ANAPC10: variants seen among roughly 807,000 people sequenced by gnomAD.
ANAPC10 encodes the protein anaphase-promoting complex subunit 10.
Under a neutral mutation model 22.0 loss-of-function variants are expected in ANAPC10, and 12 were observed. The ratio of observed to expected loss-of-function variants is 0.55; its 90% CI spans 0.35 to 0.88. The LOEUF is 0.88. ANAPC10 is among the 40% of genes least tolerant of loss of function. The pLI is 0.01. For missense variants in ANAPC10, 188 were observed against 220.9 expected, an observed-to-expected ratio of 0.85 and a Z score of 0.94; for synonymous variants, 65 against 69.5, an observed-to-expected ratio of 0.94 and a Z score of 0.32.
Position 145,043,769 on chromosome 4 carries a change from A to AT in ANAPC10, c.327+20802dup, listed in dbSNP as rs1403146956. 3.3e-5 allele frequency among the ~76,000 whole-genome samples: 5 copies of AT among 152,264 alleles called. No individual in the cohort carries two copies. In the East Asian group the frequency reaches 9.6e-4, roughly 29 times the overall value. ...CCTACAGTATTACAAATGAAGGCTG[A>AT]TATCTGCTGCATAATTTCCCATAGA... On this transcript the variant is annotated intron_variant, in intron 4 of 4. Coordinates refer to ENST00000507656, the MANE Select transcript of ANAPC10 (RefSeq NM_001256706.2).
chr4:145,001,411 T>C (rs180849260), intron 4 of ANAPC10, among the ~76,000 whole-genome samples: 1 of 151,722 alleles, frequency 6.6e-6, no homozygotes, highest in Admixed American at 6.6e-5. Flanking sequence ...TACTTAAGAG[T>C]AGTCAAAAAT....
chr4:145,028,703 T>C (rs1234053507), intron 4 of ANAPC10, among the ~76,000 whole-genome samples: 2 of 152,030 alleles, frequency 1.3e-5, no homozygotes, highest in Non-Finnish European at 2.9e-5. Context: ...GTTTAGAGAG[T>C]TATGCAAAAT....
chr4:145,024,189 C>T (rs1182137217), intron 4 of ANAPC10, among the ~76,000 whole-genome samples: 1 of 152,208 alleles, frequency 6.6e-6, no homozygotes, highest in Admixed American at 6.5e-5. Context: ...CTTGCTATTT[C>T]CAATGCATCT....
At chr4:144,998,283 T>C (rs1731939664) in intron 4 of ANAPC10, among the ~76,000 whole-genome samples, 1 of 152,196 alleles carries the variant, frequency 6.6e-6, no homozygotes, top group Non-Finnish European at 1.5e-5. Flanking sequence ...TATACATACT[T>C]ATCAGCACCA....
At chr4:145,046,816 T>A (rs1478152202) in intron 4 of ANAPC10, among the ~76,000 whole-genome samples, 1 of 152,104 alleles carries the variant, frequency 6.6e-6, no homozygotes, top group African/African-American at 2.4e-5. Flanking sequence ...CATGCTTAGA[T>A]CTGATAGTAA....
chr4:144,999,580 AT>A (rs1348516715), intron 4 of ANAPC10, among the ~76,000 whole-genome samples: 1 of 152,254 alleles, frequency 6.6e-6, no homozygotes, highest in East Asian at 1.9e-4. Flanking sequence ...AGAACATTCC[AT>A]GCTCATGGAT....
intron 4 of ANAPC10, among the ~76,000 whole-genome samples, chr4:145,014,577 A>G (rs1734825443): frequency 6.6e-6 from 1 of 152,028 alleles, no homozygotes; most frequent in Non-Finnish European, 1.5e-5. Context: ...GATCCTCCCT[A>G]TACTACCACA....
rs1049608792 is a variant in ANAPC10, at chr4:145,087,746, T to C, written c.116-5996A>G. On this transcript the variant is annotated intron_variant, in intron 2 of 4. Coordinates refer to ENST00000507656, the MANE Select transcript of ANAPC10 (RefSeq NM_001256706.2). ...AATAGATTATAATATGAAGTATTAG[T>C]ACAACAATAAAGAGATGAGGCCAGG... is the stretch of plus-strand genomic sequence containing the variant. Among the ~76,000 whole-genome samples, 8 of 152,092 alleles carry C rather than the reference T, an allele frequency of 5.3e-5. No individual in the cohort carries two copies. In the South Asian group the frequency reaches 1.5e-3, roughly 28 times the overall value.
Position 145,042,731 on chromosome 4 carries a change from TAAA to T in ANAPC10, c.327+21838_327+21840del, listed in dbSNP as rs1378584791. On this transcript the variant is annotated intron_variant, in intron 4 of 4. Coordinates refer to ENST00000507656, the MANE Select transcript of ANAPC10 (RefSeq NM_001256706.2). The stretch of plus-strand genomic sequence containing the variant: ...TCTTTATTCCAAGAGGAACTTTCAG[TAAA>T]AAAAAAATGATGTGTGAACAGCAGA... 2.7e-5 allele frequency among the ~76,000 whole-genome samples: 4 copies of T among 147,820 alleles called. No homozygotes were observed. The South Asian group carries it at 8.5e-4, about 31-fold the overall frequency.
chr4:145,021,867 G>C (rs1007474682), intron 4 of ANAPC10, among the ~76,000 whole-genome samples: 1 of 152,092 alleles, frequency 6.6e-6, no homozygotes, highest in Admixed American at 6.6e-5. Context: ...GACATGAATA[G>C]ACAATTATCA....
chr4:145,016,630 C>T (rs1735199273), intron 4 of ANAPC10, among the ~76,000 whole-genome samples: 1 of 152,200 alleles, frequency 6.6e-6, no homozygotes, highest in South Asian at 2.1e-4. Flanking sequence ...CTTTAAAGTT[C>T]ATATGGAACC....
intron 4 of ANAPC10, among the ~76,000 whole-genome samples, chr4:145,032,837 C>T (rs148701136): frequency 5.9e-5 from 9 of 152,214 alleles, no homozygotes; most frequent in South Asian, 2.1e-4. Flanking sequence ...ATCATGGAAA[C>T]GGCAGAGGTT....
At chr4:145,016,607 T>C (rs1326887400) in intron 4 of ANAPC10, among the ~76,000 whole-genome samples, 12 of 152,288 alleles carry the variant, frequency 7.9e-5, no homozygotes, top group East Asian at 3.9e-4. Context: ...CTTCACAGAA[T>C]TGGAAAAAAC....
At chr4:145,069,201 G>T (rs1744133578) in intron 3 of ANAPC10, among the ~76,000 whole-genome samples, 1 of 152,124 alleles carries the variant, frequency 6.6e-6, no homozygotes, top group South Asian at 2.1e-4. Context: ...CAGGCCTCTA[G>T]GTCCTGAGAG....
intron 4 of ANAPC10, among the ~76,000 whole-genome samples, chr4:145,016,325 A>T (rs2126956329): frequency 6.6e-6 from 1 of 152,288 alleles, no homozygotes; most frequent in African/African-American, 2.4e-5. Flanking sequence ...ATACACCAAT[A>T]ACAAACAAAC....
chr4:145,084,299 A>C (rs1746541437), intron 2 of ANAPC10, among the ~76,000 whole-genome samples: 1 of 152,230 alleles, frequency 6.6e-6, no homozygotes, highest in Non-Finnish European at 1.5e-5. Flanking sequence ...CTAGTTAGCT[A>C]GATAAAGAGG....
Position 145,071,840 on chromosome 4 carries a change from T to C in ANAPC10, c.207-7148A>G, listed in dbSNP as rs1180653922. On this transcript the variant is annotated intron_variant, in intron 3 of 4. Coordinates refer to ENST00000507656, the MANE Select transcript of ANAPC10 (RefSeq NM_001256706.2). ...CTGATTCTCTCAACCCACAAAAGCA[T>C]CCATAAGATAATAGTCAGCTTTAAA... Among the ~76,000 whole-genome samples the C allele has an allele frequency of 2.6e-5, 4 of 152,160 alleles. No individual in the cohort carries two copies. In the South Asian group the frequency reaches 8.3e-4, roughly 32 times the overall value.
At chr4:145,068,708 G>A (rs1333999905) in intron 3 of ANAPC10, among the ~76,000 whole-genome samples, 1 of 152,110 alleles carries the variant, frequency 6.6e-6, no homozygotes, top group African/African-American at 2.4e-5. Context: ...CCAAGAGATC[G>A]AGACCATCCT....
At chr4:145,045,263 A>G (rs552235526) in intron 4 of ANAPC10, among the ~76,000 whole-genome samples, 1 of 152,218 alleles carries the variant, frequency 6.6e-6, no homozygotes, top group African/African-American at 2.4e-5. Context: ...ATCCTACTTA[A>G]TTCTTTCTGG....
Sources: gnomAD v4.1 joint callset for allele counts (sites outside exome capture counted in the v4.1 genomes callset) on GRCh38, gnomAD v4.1.1 for gene constraint, MANE v1.5 for transcripts, NCBI Gene and HGNC (gene_info 2026-07-23, HGNC 2026-07-21) for gene names.